NRXN3: variants seen among roughly 807,000 people sequenced by gnomAD.
NRXN3 encodes neurexin 3.
A neutral mutation model predicts 137.6 loss-of-function variants in NRXN3; 32 were observed. The observed-to-expected ratio is 0.23, with a 90% CI of 0.18 to 0.31. The LOEUF is 0.31. NRXN3 is among the 10% of genes least tolerant of loss of function. The pLI is 1.00. For synonymous variants in NRXN3, 798 were observed against 784.5 expected (o/e 1.02, Z -0.29); for missense variants, 1,574 against 2,062.5 (o/e 0.76, Z 4.59).
chr14:79,262,346 TGAGGAAGAAAAAGAAGGATAA>T (rs368528861), intron 15 of NRXN3, among the ~76,000 whole-genome samples: 1 of 142,390 alleles, frequency 7.0e-6, no homozygotes, highest in Non-Finnish European at 1.5e-5. Context: ...AAGAGAAGCA[TGAGGAAGAAAAAGAAGGATAA>T]GAGGAAGAAA....
chr14:78,637,537 G>A (rs1234964527), intron 4 of NRXN3, among the ~76,000 whole-genome samples: 2 of 152,164 alleles, frequency 1.3e-5, no homozygotes, highest in South Asian at 4.1e-4. Flanking sequence ...CTGCCTCACA[G>A]CAACTCTATG....
At chr14:79,231,016 A>G (rs1462145987) in intron 15 of NRXN3, among the ~76,000 whole-genome samples, 1 of 152,204 alleles carries the variant, frequency 6.6e-6, no homozygotes. Flanking sequence ...GTATGTTAAA[A>G]TATTCTAGAG....
At chr14:79,217,774 C>G (rs975645419) in intron 15 of NRXN3, among the ~76,000 whole-genome samples, 3 of 152,104 alleles carry the variant, frequency 2.0e-5, no homozygotes, top group Non-Finnish European at 4.4e-5. Flanking sequence ...GACCAGGCAT[C>G]AATATTTAAA....
chr14:78,180,089 C>A (rs1206026827), intron 1 of NRXN3, among the ~76,000 whole-genome samples: 3 of 152,056 alleles, frequency 2.0e-5, no homozygotes, highest in Non-Finnish European at 4.4e-5. Context: ...CTAAGGTGAT[C>A]CACCTACCTC....
intron 16 of NRXN3, among the ~76,000 whole-genome samples, chr14:79,564,815 A>T (rs1036824912): frequency 3.3e-5 from 5 of 152,166 alleles, no homozygotes; most frequent in African/African-American, 1.2e-4. Context: ...CTTATTTGGT[A>T]AGGACTATTG....
At chr14:78,891,469 A>G (rs774694067) in intron 10 of NRXN3, among the ~76,000 whole-genome samples, 2 of 151,878 alleles carry the variant, frequency 1.3e-5, no homozygotes, top group Non-Finnish European at 2.9e-5. Context: ...AGTAACGTCT[A>G]CAGTGACGTC....
intron 10 of NRXN3, among the ~76,000 whole-genome samples, chr14:78,864,692 T>A (rs997419311): frequency 1.2e-4 from 19 of 152,166 alleles, no homozygotes; most frequent in African/African-American, 4.3e-4. Context: ...TTGGAGCCTT[T>A]GAAGGGAAGA....
intron 4 of NRXN3, among the ~76,000 whole-genome samples, chr14:78,365,458 GA>G (rs1238112889): frequency 6.6e-6 from 1 of 152,088 alleles, no homozygotes; most frequent in Non-Finnish European, 1.5e-5. Flanking sequence ...GCTGACAAAT[GA>G]AAAAACAGAA....
intron 4 of NRXN3, among the ~76,000 whole-genome samples, chr14:78,638,341 A>G (rs1302364453): frequency 3.3e-5 from 5 of 152,146 alleles, no homozygotes; most frequent in African/African-American, 1.2e-4. Flanking sequence ...CTTTTAAAAT[A>G]CCTGTGTGAT....
chr14:79,272,409 C>G (rs1045384588), intron 15 of NRXN3, among the ~76,000 whole-genome samples: 1 of 151,898 alleles, frequency 6.6e-6, no homozygotes, highest in Non-Finnish European at 1.5e-5. Context: ...TGAGTGGAAC[C>G]TAGTTCAGAG....
intron 6 of NRXN3, among the ~76,000 whole-genome samples, chr14:78,655,068 TGAGGGAG>T (rs1422535094): frequency 6.6e-6 from 1 of 152,148 alleles, no homozygotes; most frequent in Non-Finnish European, 1.5e-5. Flanking sequence ...GAAAAGGCTA[TGAGGGAG>T]ACATCATAGT....
chr14:79,037,868 G>A (rs1447244355), intron 15 of NRXN3, among the ~76,000 whole-genome samples: 24 of 152,044 alleles, frequency 1.6e-4, no homozygotes, highest in Non-Finnish European at 3.5e-4. Context: ...AGAAGTGTAG[G>A]ACGCTGGTAC....
At chr14:78,926,319 C>T (rs891877997) in intron 10 of NRXN3, among the ~76,000 whole-genome samples, 1 of 151,764 alleles carries the variant, frequency 6.6e-6, no homozygotes, top group Non-Finnish European at 1.5e-5. Flanking sequence ...AAAAATAATC[C>T]TGTAATGAAA....
chr14:78,197,624 T>A (rs2061345027), intron 1 of NRXN3, among the ~76,000 whole-genome samples: 1 of 152,234 alleles, frequency 6.6e-6, no homozygotes. Flanking sequence ...GCTCCCTTGC[T>A]TCCTTCCTGG....
intron 15 of NRXN3, among the ~76,000 whole-genome samples, chr14:79,271,742 GC>G (rs1437164268): frequency 6.6e-6 from 1 of 152,032 alleles, no homozygotes; most frequent in Non-Finnish European, 1.5e-5. Context: ...CCTTTAGGAA[GC>G]CCCGTGTGGA....
chr14:78,214,670 C>T (rs752137293), intron 1 of NRXN3, among the ~76,000 whole-genome samples: 8 of 152,066 alleles, frequency 5.3e-5, no homozygotes, highest in African/African-American at 1.4e-4. Flanking sequence ...CAAGGCAGAG[C>T]GAGGCACACT....
chr14:78,999,904 ATAG>A (rs2099537949), intron 15 of NRXN3, among the ~76,000 whole-genome samples: 1 of 152,216 alleles, frequency 6.6e-6, no homozygotes, highest in African/African-American at 2.4e-5. Context: ...ATCGAGTGAG[ATAG>A]TAGAACTTTA....
At chr14:78,304,673 A>G (rs2153535330) in intron 4 of NRXN3, among the ~76,000 whole-genome samples, 1 of 152,314 alleles carries the variant, frequency 6.6e-6, no homozygotes, top group African/African-American at 2.4e-5. Flanking sequence ...AACTCAGGGC[A>G]GGGGTCACAG....
chr14:79,667,900 T>A (rs182828659), intron 17 of NRXN3, among the ~76,000 whole-genome samples: 6 of 152,140 alleles, frequency 3.9e-5, no homozygotes, highest in Non-Finnish European at 7.4e-5. Flanking sequence ...ATCTTCTCTC[T>A]GCTGTGAGTG....
Sources: allele counts gnomAD v4.1 joint callset (sites outside exome capture counted in the v4.1 genomes callset), GRCh38; gene constraint gnomAD v4.1.1; transcripts MANE v1.5; gene names NCBI Gene and HGNC (gene_info 2026-07-23, HGNC 2026-07-21).